The following TXK variants were observed in gnomAD, a reference collection of about 807,000 sequenced individuals.
TXK encodes the protein TXK tyrosine kinase.
TXK carries 60 observed loss-of-function variants against 81.0 expected under a neutral mutation model. That is an observed-to-expected ratio of 0.74 (90% CI 0.60 to 0.92). The LOEUF is 0.92. TXK is among the 40% of genes least tolerant of loss of function. TXK has a pLI of 0.00. For missense variants in TXK, 581 were observed against 638.3 expected (o/e 0.91, Z 0.97); for synonymous variants, 203 against 210.7 (o/e 0.96, Z 0.32).
At chr4:48,074,205 T>A (rs538104294) in intron 12 of TXK, 152 bp from the exon 13 acceptor site, 4 of 574,004 alleles carry the variant, frequency 7.0e-6, no homozygotes, top group African/African-American at 5.6e-5. Flanking sequence ...TGTGAAAGTG[T>A]CCCTGATAAT....
intron 1 of TXK, 164 bp from the exon 2 acceptor site, chr4:48,114,566 A>G: frequency 1.5e-6 from 1 of 689,246 alleles, no homozygotes; most frequent in South Asian, 1.8e-5. Context: ...AGCAAAAAAT[A>G]AGTTTCTGGC....
chr4:48,110,420 AT>A (rs1444732456), intron 5 of TXK, 117 bp downstream of exon 5: 1 of 686,034 alleles, frequency 1.5e-6, no homozygotes, highest in Admixed American at 2.8e-5. Context: ...TCTCTTTATT[AT>A]TAACGCTGTC....
chr4:48,121,355 T>C (rs1016835119), intron 1 of TXK, among the ~76,000 whole-genome samples: 2 of 152,224 alleles, frequency 1.3e-5, no homozygotes, highest in African/African-American at 4.8e-5. Flanking sequence ...AGCAATTCCG[T>C]CTTTCCAGTT....
intron 4 of TXK, among the ~76,000 whole-genome samples, chr4:48,111,375 A>G (rs907001851): frequency 3.9e-5 from 6 of 152,234 alleles, no homozygotes; most frequent in African/African-American, 1.4e-4. Context: ...AATGGATAAT[A>G]GTATTTACTT....
intron 7 of TXK, among the ~76,000 whole-genome samples, chr4:48,094,884 T>C (rs919320285): frequency 6.6e-6 from 1 of 152,190 alleles, no homozygotes; most frequent in Admixed American, 6.5e-5. Context: ...CCAAGGGATA[T>C]GAGGAAAGCG....
intron 5 of TXK, among the ~76,000 whole-genome samples, chr4:48,107,523 C>T (rs1718494286): frequency 6.6e-6 from 1 of 152,032 alleles, no homozygotes; most frequent in African/African-American, 2.4e-5. Context: ...TCCTTCAAAA[C>T]ACTACAGTTT....
chr4:48,066,858 A>C lies in TXK; in HGVS notation c.*779T>G, dbSNP rs1434623733. On this transcript the variant is annotated 3_prime_UTR_variant, in exon 15 of 15. Transcript: ENST00000264316. ...CATCTTCCTGAAAATTACAGGAGAC[A>C]CTTAGTATGACAAAATAAGGCCTCT... 2 of 152,212 alleles carry C rather than the reference A, an allele frequency of 1.3e-5. No homozygotes were observed. Among genetic ancestry groups the C allele is most frequent in the Non-Finnish European group, 2.9e-5 (2 of 68,024 alleles). 9.4% of individuals were successfully genotyped at this position (152,212 alleles called of 1,614,324 possible).
chr4:48,098,683 C>T (rs989567179), intron 6 of TXK, among the ~76,000 whole-genome samples: 10 of 151,746 alleles, frequency 6.6e-5, no homozygotes, highest in Non-Finnish European at 1.5e-4. Flanking sequence ...GAAAAAGGGC[C>T]GGACGCAGTG....
At chr4:48,109,577 G>A (rs1718570231) in intron 5 of TXK, among the ~76,000 whole-genome samples, 1 of 152,140 alleles carries the variant, frequency 6.6e-6, no homozygotes. Flanking sequence ...GAGAGTGACT[G>A]GAGAGAGAAC....
chr4:48,091,472 T>G (rs1033212368), intron 8 of TXK, among the ~76,000 whole-genome samples: 4 of 151,912 alleles, frequency 2.6e-5, no homozygotes, highest in Non-Finnish European at 5.9e-5. Flanking sequence ...AAGTCCCAAG[T>G]AGGAGGGCAC....
intron 11 of TXK, 117 bp downstream of exon 11, chr4:48,079,795 G>C (rs1471658392): frequency 1.3e-6 from 1 of 786,426 alleles, no homozygotes; most frequent in East Asian, 2.5e-5. Flanking sequence ...GCATGAATAG[G>C]TAAATGTTTA....
chr4:48,076,395 C>T lies in TXK; in HGVS notation c.1238+7G>A, dbSNP rs1285675269. ...ACAAAATACATATATATATACATAG[C>T]ATGTACCTTGTCATTCCAAAGTCTG... On this transcript the variant is annotated splice_region_variant and intron_variant, in intron 12 of 14. Transcript: ENST00000264316. 6.3e-7 allele frequency: 1 copy of T among 1,590,036 alleles called. No homozygotes were observed. The highest frequency in any genetic ancestry group is 8.6e-7 in the Non-Finnish European group (1 of 1,160,436).
chr4:48,120,668 T>G (rs1718934458), intron 1 of TXK, among the ~76,000 whole-genome samples: 1 of 152,092 alleles, frequency 6.6e-6, no homozygotes, highest in African/African-American at 2.4e-5. Flanking sequence ...TTTTTGTATT[T>G]TTAGTAGAGA....
At chr4:48,111,874 G>A (rs557280460) in intron 4 of TXK, among the ~76,000 whole-genome samples, 1 of 152,228 alleles carries the variant, frequency 6.6e-6, no homozygotes, top group Non-Finnish European at 1.5e-5. Context: ...ATTCAGCAGC[G>A]ACTGCAATGT....
intron 14 of TXK, among the ~76,000 whole-genome samples, chr4:48,070,283 T>G (rs1191295408): frequency 6.6e-6 from 1 of 152,204 alleles, no homozygotes; most frequent in African/African-American, 2.4e-5. Context: ...CTGGCTTTAT[T>G]TCTAAGCTTG....
At chr4:48,086,680 T>G in intron 9 of TXK, 43 bp from the exon 10 acceptor site, 1 of 1,562,310 alleles carries the variant, frequency 6.4e-7, no homozygotes, top group Non-Finnish European at 8.8e-7. Context: ...AAAGAAAGAC[T>G]GTTAAAATAT....
At chr4:48,097,296 A>G (rs1181622000) in intron 6 of TXK, among the ~76,000 whole-genome samples, 1 of 152,218 alleles carries the variant, frequency 6.6e-6, no homozygotes, top group Non-Finnish European at 1.5e-5. Context: ...ATAAATTTGG[A>G]AACTCGAATG....
intron 1 of TXK, 128 bp from the exon 2 acceptor site, chr4:48,114,530 A>G (rs993220658): frequency 7.6e-6 from 7 of 924,514 alleles, no homozygotes; most frequent in African/African-American, 1.7e-5. Flanking sequence ...TTCCTTCACT[A>G]GTGGAAGACA....
At position 48,067,011 on chromosome 4, in the gene TXK, T is replaced by C. The variant is rs1299445312; in HGVS notation, c.*626A>G. On this transcript the variant is annotated 3_prime_UTR_variant, in exon 15 of 15. Coordinates refer to ENST00000264316, the MANE Select transcript of TXK (RefSeq NM_003328.3). ...GAGCTTTGGCTACATTTTATAACAG[T>C]GTTTAAAACTCGAATGCAAAAAACT... is the stretch of plus-strand genomic sequence containing the variant. 1 of 152,262 alleles carries C rather than the reference T, an allele frequency of 6.6e-6. No homozygotes were observed. Among genetic ancestry groups the C allele is most frequent in the Non-Finnish European group, 1.5e-5 (1 of 68,074 alleles). The allele number at this position is 152,262 out of a possible 1,614,324, so 9.4% of individuals were successfully genotyped here.
Sources: allele counts gnomAD v4.1 joint callset (sites outside exome capture counted in the v4.1 genomes callset), GRCh38; gene constraint gnomAD v4.1.1; transcripts MANE v1.5; gene names NCBI Gene and HGNC (gene_info 2026-07-23, HGNC 2026-07-21).